CTPS1: variants seen among roughly 807,000 people sequenced by gnomAD.
The protein encoded by CTPS1 is CTP synthetase 1.
In CTPS1, 25 loss-of-function variants were observed where a neutral mutation model predicts 80.5. The observed-to-expected ratio is 0.31, with a 90% CI of 0.23 to 0.43. CTPS1 has a LOEUF of 0.43. Among genes scored for constraint, CTPS1 ranks in the 20% least tolerant of loss-of-function variants. CTPS1 has a pLI of 1.00. For synonymous variants in CTPS1, 267 were observed against 252.5 expected, an observed-to-expected ratio of 1.06 and a Z score of -0.54; for missense variants, 442 against 725.7, an observed-to-expected ratio of 0.61 and a Z score of 4.49.
intron 16 of CTPS1, among the ~76,000 whole-genome samples, chr1:41,009,215 C>T (rs1490473829): frequency 2.0e-5 from 3 of 152,152 alleles, no homozygotes; most frequent in Non-Finnish European, 2.9e-5. Context: ...GGGTCTTGGG[C>T]GGGACCCTGG....
chr1:40,993,279 G>T (rs1642664113), intron 7 of CTPS1, among the ~76,000 whole-genome samples: 1 of 152,066 alleles, frequency 6.6e-6, no homozygotes, highest in African/African-American at 2.4e-5. Context: ...TGGAACTCCT[G>T]ACCTCAGGTG....
Position 40,987,310 on chromosome 1 carries a change from C to T in CTPS1, c.338-62C>T, listed in dbSNP as rs1642480713. The T allele has an allele frequency of 5.0e-6, 6 of 1,191,460 alleles. No individual in the cohort carries two copies. In the South Asian group the frequency reaches 7.5e-5, roughly 15 times the overall value. 73.8% of individuals were successfully genotyped at this position (1,191,460 alleles called of 1,614,324 possible). On this transcript the variant is annotated intron_variant, in intron 3 of 18. Transcript: ENST00000650070. ...CTGCAGTTTGTTTTCACAGTAAGTGCATTTGTCTCAATCAATGTAGATGGA... is the reference window on the plus strand; with the variant it reads ...CTGCAGTTTGTTTTCACAGTAAGTGTATTTGTCTCAATCAATGTAGATGGA...
chr1:40,984,795 G>A (rs191736269), intron 2 of CTPS1, 26 bp from the exon 3 acceptor site: 162 of 1,469,948 alleles, frequency 1.1e-4, no homozygotes, highest in Admixed American at 8.6e-4. Context: ...TTCACTTAAC[G>A]TAAATGGTTT....
At chr1:40,996,132 C>T in intron 8 of CTPS1, 64 bp downstream of exon 8, 1 of 1,570,440 alleles carries the variant, frequency 6.4e-7, no homozygotes, top group Non-Finnish European at 8.7e-7. Flanking sequence ...GCTGGTGAAG[C>T]CGACTCTAGC....
chr1:41,003,046 G>T, intron 11 of CTPS1, 68 bp from the exon 12 acceptor site: 1 of 1,527,824 alleles, frequency 6.5e-7, no homozygotes, highest in Non-Finnish European at 9.1e-7. Flanking sequence ...CCATTGCAGA[G>T]GCTGCTGGGA....
intron 11 of CTPS1, 83 bp downstream of exon 11, chr1:41,002,337 G>C (rs933280477): frequency 3.7e-6 from 4 of 1,092,340 alleles, no homozygotes; most frequent in African/African-American, 3.1e-5. Flanking sequence ...TGAACAAAGT[G>C]GGGGGATTAC....
intron 5 of CTPS1, among the ~76,000 whole-genome samples, chr1:40,989,456 GT>G (rs1426149920): frequency 6.6e-6 from 1 of 152,212 alleles, no homozygotes; most frequent in African/African-American, 2.4e-5. Context: ...GTAGGAGGTT[GT>G]AAGATTGTCT....
At chr1:41,010,067 G>C (rs1643130699) in intron 17 of CTPS1, 94 bp from the exon 18 acceptor site, 1 of 747,628 alleles carries the variant, frequency 1.3e-6, no homozygotes, top group East Asian at 2.5e-5. Context: ...GCCATGTGCA[G>C]GCAAGTGTCC....
rs192044165 is a variant in CTPS1, at chr1:41,007,360, C to G, written c.1297-89C>G. ...AGCCTGGAGAATTAGAGCTTACTTA[C>G]AAGCCTTTGCCACCCACTCAGCGAG... On this transcript the variant is annotated intron_variant, in intron 13 of 18. Coordinates refer to ENST00000650070, the MANE Select transcript of CTPS1 (RefSeq NM_001905.4). This position sits in a 1 kb window ranked among gnomAD's most constrained non-coding sequence, Gnocchi z 4.4. The G allele has an allele frequency of 1.9e-6, 2 of 1,079,692 alleles. No individual in the cohort carries two copies. The highest frequency in any genetic ancestry group is 1.4e-6 in the Non-Finnish European group (1 of 712,674). The allele number at this position is 1,079,692 out of a possible 1,614,324, so 66.9% of individuals were successfully genotyped here.
At chr1:40,995,876 A>G (rs1425960797) in intron 7 of CTPS1, 41 bp from the exon 8 acceptor site, 2 of 1,594,882 alleles carry the variant, frequency 1.3e-6, no homozygotes, top group South Asian at 2.2e-5. Context: ...AAGCCTGGTG[A>G]GTTTTTGCTT....
chr1:40,991,923 G>T (rs78152902), intron 7 of CTPS1, 78 bp downstream of exon 7: 4 of 1,125,886 alleles, frequency 3.6e-6, no homozygotes, highest in Non-Finnish European at 5.3e-6. Flanking sequence ...GTTTCGTGAG[G>T]CTTGTTATTT....
In CTPS1 at chr1:41,012,040, G is replaced by C. The variant is rs1643186175; in HGVS notation, c.*392G>C. ...ATAAAGTGTGCCACATGGACTTACC[G>C]AGCATGGAGAGAGGATTTTAGCTAG... On this transcript the variant is annotated 3_prime_UTR_variant, in exon 19 of 19. Transcript: ENST00000650070. 1 of 152,148 alleles carries C rather than the reference G, an allele frequency of 6.6e-6. No individual in the cohort carries two copies. Among genetic ancestry groups the C allele is most frequent in the Non-Finnish European group, 1.5e-5 (1 of 68,034 alleles). 9.4% of individuals were successfully genotyped at this position (152,148 alleles called of 1,614,324 possible).
chr1:40,993,635 C>T (rs1382147522), intron 7 of CTPS1, among the ~76,000 whole-genome samples: 2 of 152,196 alleles, frequency 1.3e-5, no homozygotes, highest in Non-Finnish European at 2.9e-5. Context: ...CGGCAATGCC[C>T]AGCCTTACTT....
chr1:40,980,429 G>T (rs1651826891), intron 1 of CTPS1: 2 of 152,384 alleles, frequency 1.3e-5, no homozygotes, highest in South Asian at 4.1e-4. Flanking sequence ...GGCGGCCGGG[G>T]GTCGGGGCGC....
intron 6 of CTPS1, 100 bp from the exon 7 acceptor site, chr1:40,991,665 C>A: frequency 1.3e-6 from 1 of 762,926 alleles, no homozygotes; most frequent in South Asian, 1.6e-5. Context: ...CGTTTTCGTT[C>A]ATCTTAACAA....
intron 1 of CTPS1, chr1:40,982,030 CA>C: frequency 7.8e-7 from 1 of 1,287,848 alleles, no homozygotes; most frequent in South Asian, 1.2e-5. Context: ...TTGTGTTTTT[CA>C]TTTTGGTCAC....
rs761516335 is a variant in CTPS1 at position 40,981,953 on chromosome 1, A to G, written c.-13-1325A>G. On this transcript the variant is annotated intron_variant, in intron 1 of 18. Coordinates refer to ENST00000650070, the MANE Select transcript of CTPS1 (RefSeq NM_001905.4). ...TATTTTTATCATAATTTGGCTTCAC[A>G]TGGAACGTTCCTGAGGAGGAAAATG... The G allele has an allele frequency of 2.5e-5, 32 of 1,285,086 alleles. 1 individual carries two copies. In the South Asian group the frequency reaches 3.8e-4, roughly 15 times the overall value. 79.6% of individuals were successfully genotyped at this position (1,285,086 alleles called of 1,614,324 possible).
chr1:41,004,066 C>G (rs577821079), intron 12 of CTPS1: 2 of 152,266 alleles, frequency 1.3e-5, no homozygotes, highest in African/African-American at 4.8e-5. Context: ...AAACAAGTCA[C>G]GTGGCCAAGC....
chr1:41,009,685 GAAA>G, intron 17 of CTPS1, 96 bp downstream of exon 17: 1 of 1,451,438 alleles, frequency 6.9e-7, no homozygotes, highest in Non-Finnish European at 9.3e-7. Context: ...TCAGTCATAA[GAAA>G]AAAAAGCCAC....
Sources: gnomAD v4.1 joint callset for allele counts (sites outside exome capture counted in the v4.1 genomes callset) on GRCh38, gnomAD v4.1.1 for gene constraint, Gnocchi (gnomAD v3.1) non-coding constraint, MANE v1.5 for transcripts, NCBI Gene and HGNC (gene_info 2026-07-23, HGNC 2026-07-21) for gene names.